ZC3H14: variants seen among roughly 807,000 people sequenced by gnomAD.
The protein encoded by ZC3H14 is zinc finger CCCH-type containing 14.
ZC3H14 carries 31 observed loss-of-function variants against 92.4 expected under a neutral mutation model. The ratio of observed to expected loss-of-function variants is 0.34; its 90% CI spans 0.25 to 0.45. The LOEUF (loss-of-function observed/expected upper bound fraction) is 0.45, where lower values mean the gene tolerates loss of function less well. Among genes scored for constraint, ZC3H14 ranks in the 20% least tolerant of loss-of-function variants. The pLI is 1.00. For missense variants in ZC3H14, 781 were observed against 897.3 expected (o/e 0.87, Z 1.66); for synonymous variants, 321 against 300.9 (o/e 1.07, Z -0.69).
Position 88,621,089 on chromosome 14 carries a change from T to C in ZC3H14, c.*9338T>C. The C allele has an allele frequency of 6.3e-7, 1 of 1,598,354 alleles. No homozygotes were observed. Among genetic ancestry groups the C allele is most frequent in the South Asian group, 1.1e-5 (1 of 88,084 alleles). ...TTTCTTTTTAGAAGTTGTAACCTCT[T>C]TTAAAAAAATTATCTGTACTTACTT... On this transcript the variant is annotated 3_prime_UTR_variant, in exon 17 of 17. Transcript: ENST00000251038.
chr14:88,580,889 A>G (rs1315532005), intron 9 of ZC3H14, among the ~76,000 whole-genome samples: 2 of 152,360 alleles, frequency 1.3e-5, no homozygotes, highest in South Asian at 4.1e-4. Context: ...TTTCAACAGC[A>G]TCACTTTTGT....
At position 88,572,108 on chromosome 14, in the gene ZC3H14, G is replaced by T; in HGVS notation, c.314G>T (p.Gly105Val). The change falls in exon 5 of 17, where the codon GGA becomes GTA. Residue 105 changes from glycine to valine, a missense_variant. Gly to Val is a moderately radical substitution (Grantham distance 109). Around this residue, in one of 3 missense-constraint regions of ZC3H14, gnomAD observed 106 missense variants for 154.2 expected, o/e 0.69. Transcript: ENST00000251038. ...VPSNKSNFSR[G>V]DERRHEAAVP... is the part of the protein sequence containing the mutation. The stretch of plus-strand genomic sequence containing the variant: ...TCAAACAAGAGCAATTTCAGTCGGG[G>T]AGATGAGAGGAGGCATGAAGCTGCA... 1 of 1,614,112 alleles carries T rather than the reference G, an allele frequency of 6.2e-7. No homozygotes were observed. Among genetic ancestry groups the T allele is most frequent in the Admixed American group, 1.7e-5 (1 of 60,012 alleles).
At position 88,618,153 on chromosome 14, in the gene ZC3H14, C is replaced by G; in HGVS notation, c.*6402C>G. 1.6e-6 allele frequency: 2 copies of G among 1,278,926 alleles called. No homozygotes were observed. The highest frequency in any genetic ancestry group is 2.2e-6 in the Non-Finnish European group (2 of 893,514). The allele number at this position is 1,278,926 out of a possible 1,614,324, so 79.2% of individuals were successfully genotyped here. A position where few individuals can be genotyped will look rare whatever the true frequency, so the allele number is the denominator to read the frequency against. ...ATTACTATTCCTTATTGGAATGGCT[C>G]TAACAGTTCAGAAATAGGATTTTCT... On this transcript the variant is annotated 3_prime_UTR_variant, in exon 17 of 17. Transcript: ENST00000251038.
chr14:88,572,617 A>G lies in ZC3H14; in HGVS notation c.471A>G (p.Ser157=), dbSNP rs369865158. The change falls in exon 6 of 17, where the codon TCA becomes TCG. Residue 157 remains serine, a synonymous_variant. Coordinates refer to ENST00000251038, the MANE Select transcript of ZC3H14 (RefSeq NM_024824.5). Reference sequence around the variant, plus strand: ...ATGGAGCTGCAACCCGACTAATGTCAACAGTGAAACCTTTGAGGGAGCCAG... The same window carrying G: ...ATGGAGCTGCAACCCGACTAATGTCGACAGTGAAACCTTTGAGGGAGCCAG... ...YDDGAATRLM[S]TVKPLREPAP... is the part of the protein sequence containing the mutation. 6 of 1,614,086 alleles carry G rather than the reference A, an allele frequency of 3.7e-6. No individual in the cohort carries two copies. In the African/African-American group the frequency reaches 4.0e-5, roughly 11 times the overall value.
In ZC3H14 at chr14:88,618,590, T is replaced by TA. The variant is rs780941617; in HGVS notation, c.*6841dup. 38 of 1,544,644 alleles carry TA rather than the reference T, an allele frequency of 2.5e-5. No homozygotes were observed. The highest frequency in any genetic ancestry group is 3.3e-5 in the Non-Finnish European group (38 of 1,144,564). On this transcript the variant is annotated 3_prime_UTR_variant, in exon 17 of 17. Coordinates refer to ENST00000251038, the MANE Select transcript of ZC3H14 (RefSeq NM_024824.5). ...GCTCAGGAACTTTAAATGCATTCAC[T>TA]AACACGAAATGTAAAAGCAGAAGAA... is the stretch of plus-strand genomic sequence containing the variant.
intron 12 of ZC3H14, among the ~76,000 whole-genome samples, chr14:88,604,059 A>G (rs1202128808): frequency 6.6e-6 from 1 of 152,228 alleles, no homozygotes. Context: ...TGCAGTAGGC[A>G]GTCCCGATTT....
In ZC3H14 at chr14:88,607,131, C is replaced by G. The variant is rs1339745637; in HGVS notation, c.1748-112C>G. ...ATTTGAGCTCACTTATTTTATATGACTGTACATTTAACAGAAGATTCTAAG... is the reference window on the plus strand; with the variant it reads ...ATTTGAGCTCACTTATTTTATATGAGTGTACATTTAACAGAAGATTCTAAG... On this transcript the variant is annotated intron_variant, in intron 12 of 16. Coordinates refer to ENST00000251038, the MANE Select transcript of ZC3H14 (RefSeq NM_024824.5). 9.9e-6 allele frequency: 15 copies of G among 1,509,916 alleles called. No homozygotes were observed. The East Asian group carries it at 2.6e-4, about 26-fold the overall frequency. 93.5% of individuals were successfully genotyped at this position (1,509,916 alleles called of 1,614,324 possible). A position where few individuals can be genotyped will look rare whatever the true frequency, so the allele number is the denominator to read the frequency against.
At position 88,612,363 on chromosome 14, in the gene ZC3H14, A is replaced by G. The variant is rs1420377210; in HGVS notation, c.*612A>G. Reference sequence around the variant, plus strand: ...CAGTTTTCCTGCCTTCTGTGACAGGATGAATGAGGTGGGTATGGACAGTGG... The same window carrying G: ...CAGTTTTCCTGCCTTCTGTGACAGGGTGAATGAGGTGGGTATGGACAGTGG... On this transcript the variant is annotated 3_prime_UTR_variant, in exon 17 of 17. Coordinates refer to ENST00000251038, the MANE Select transcript of ZC3H14 (RefSeq NM_024824.5). The G allele has an allele frequency of 6.4e-6, 1 of 155,806 alleles. No homozygotes were observed. Among genetic ancestry groups the G allele is most frequent in the African/African-American group, 2.4e-5 (1 of 41,432 alleles). 9.7% of individuals were successfully genotyped at this position (155,806 alleles called of 1,614,324 possible).
chr14:88,624,235 C>G lies in ZC3H14; in HGVS notation c.*12484C>G, dbSNP rs946840703. On this transcript the variant is annotated 3_prime_UTR_variant, in exon 17 of 17. Transcript: ENST00000251038. ...GGGACTACAGGCATGTGCCACCACA[C>G]CCGGCTAATTGTTGTTTTTTATAGC... The G allele has an allele frequency of 1.3e-5, 2 of 152,316 alleles. No individual in the cohort carries two copies. The highest frequency in any genetic ancestry group is 2.9e-5 in the Non-Finnish European group (2 of 68,194). The allele number at this position is 152,316 out of a possible 1,614,324, so 9.4% of individuals were successfully genotyped here. A position where few individuals can be genotyped will look rare whatever the true frequency, so the allele number is the denominator to read the frequency against.
rs2086917277 is a variant in ZC3H14, at chr14:88,612,384, A to G, written c.*633A>G. ...CAGGATGAATGAGGTGGGTATGGACAGTGGAGGCAGCTGGAATGGCAAGTG... is the reference window on the plus strand; with the variant it reads ...CAGGATGAATGAGGTGGGTATGGACGGTGGAGGCAGCTGGAATGGCAAGTG... On this transcript the variant is annotated 3_prime_UTR_variant, in exon 17 of 17. Coordinates refer to ENST00000251038, the MANE Select transcript of ZC3H14 (RefSeq NM_024824.5). 1 of 153,848 alleles carries G rather than the reference A, an allele frequency of 6.5e-6. No homozygotes were observed. Among genetic ancestry groups the G allele is most frequent in the African/African-American group, 2.4e-5 (1 of 41,458 alleles). The allele number at this position is 153,848 out of a possible 1,614,324, so 9.5% of individuals were successfully genotyped here.
At chr14:88,590,020 C>T (rs2082921224) in intron 9 of ZC3H14, 1 of 152,248 alleles carries the variant, frequency 6.6e-6, no homozygotes, top group African/African-American at 2.4e-5. Context: ...GTCCCAGCTA[C>T]TCAGGAGGCT....
In ZC3H14 at chr14:88,610,894, A is replaced by G. The variant is rs1371297613; in HGVS notation, c.2158A>G (p.Asn720Asp). ...PDCTFYHPTI[N>D]VPPRHALKWI... ...CTGCACATTCTACCATCCCACCATTAATGTCCCACCACGACATGCCTTGAA... is the reference window on the plus strand; with the variant it reads ...CTGCACATTCTACCATCCCACCATTGATGTCCCACCACGACATGCCTTGAA... Residue 720 changes from asparagine to aspartate, a missense_variant, in exon 16 of 17, where the codon AAT becomes GAT. This residue lies in a region of ZC3H14 where 221 missense variants were observed against 304.7 expected (regional missense o/e 0.73). Transcript: ENST00000251038. The G allele has an allele frequency of 6.2e-7, 1 of 1,614,068 alleles. No individual in the cohort carries two copies. The highest frequency in any genetic ancestry group is 1.3e-5 in the African/African-American group (1 of 74,932).
intron 9 of ZC3H14, among the ~76,000 whole-genome samples, chr14:88,586,227 G>A (rs1290620723): frequency 6.6e-6 from 1 of 152,142 alleles, no homozygotes; most frequent in African/African-American, 2.4e-5. Flanking sequence ...TTTTTTCCAG[G>A]CAATGTTTTT....
intron 9 of ZC3H14, among the ~76,000 whole-genome samples, chr14:88,582,895 AT>A (rs967263374): frequency 1.3e-5 from 2 of 151,616 alleles, no homozygotes; most frequent in Non-Finnish European, 2.9e-5. Context: ...TAAGTTGTTA[AT>A]TTTTTTTCTT....
chr14:88,564,869 T>G (rs1291935557), intron 2 of ZC3H14, among the ~76,000 whole-genome samples: 2 of 152,242 alleles, frequency 1.3e-5, no homozygotes, highest in Non-Finnish European at 2.9e-5. Context: ...GAAAATCATT[T>G]TAGTTGAGAA....
Position 88,626,435 on chromosome 14 carries a change from C to T in ZC3H14, c.*14684C>T, listed in dbSNP as rs1478614550. 1 of 182,652 alleles carries T rather than the reference C, an allele frequency of 5.5e-6. No individual in the cohort carries two copies. The highest frequency in any genetic ancestry group is 1.2e-5 in the Non-Finnish European group (1 of 85,622). The allele number at this position is 182,652 out of a possible 1,614,324, so 11.3% of individuals were successfully genotyped here. A position where few individuals can be genotyped will look rare whatever the true frequency, so the allele number is the denominator to read the frequency against. ...TAGGAGCTTGAGACCACCTAGGCAA[C>T]ATAGCGAAACCCTGTCTCTACTAAA... On this transcript the variant is annotated 3_prime_UTR_variant, in exon 17 of 17. Coordinates refer to ENST00000251038, the MANE Select transcript of ZC3H14 (RefSeq NM_024824.5).
chr14:88,578,781 G>GTT (rs35101368), intron 9 of ZC3H14, among the ~76,000 whole-genome samples: 3,747 of 76,220 alleles, frequency 0.049, 93 homozygotes, highest in Non-Finnish European at 0.064. Flanking sequence ...TTGCTTCCAG[G>GTT]TTTTTTTTTT....
intron 15 of ZC3H14, 27 bp from the exon 16 acceptor site, chr14:88,610,807 T>C (rs2086550027): frequency 6.3e-7 from 1 of 1,591,556 alleles, no homozygotes; most frequent in Non-Finnish European, 8.6e-7. Flanking sequence ...TTGTGGATAT[T>C]GTTGAAGCTC....
intron 8 of ZC3H14, 50 bp downstream of exon 8, chr14:88,575,990 TTGAG>T (rs2081110277): frequency 3.4e-6 from 5 of 1,466,064 alleles, no homozygotes; most frequent in African/African-American, 1.4e-5. Flanking sequence ...TCTGTAATTC[TTGAG>T]TAAGGTGAAA....
Sources: allele counts gnomAD v4.1 joint callset (sites outside exome capture counted in the v4.1 genomes callset), GRCh38; gene constraint gnomAD v4.1.1; regional missense constraint gnomAD v4.1.1; transcripts MANE v1.5; gene names NCBI Gene and HGNC (gene_info 2026-07-23, HGNC 2026-07-21).